The following BTBD9 variants were observed in gnomAD, a reference collection of about 807,000 sequenced individuals.
BTBD9 encodes BTB domain containing 9, also known as BTB/POZ domain-containing protein 9.
BTBD9 carries 49 observed loss-of-function variants against 64.3 expected under a neutral mutation model. The observed-to-expected ratio is 0.76, with a 90% CI of 0.61 to 0.97. The LOEUF is 0.97. BTBD9 is among the 50% of genes least tolerant of loss of function. The pLI, the probability that BTBD9 is intolerant of heterozygous loss-of-function variation, is 0.00. For synonymous variants in BTBD9, 260 were observed against 274.7 expected (o/e 0.95, Z 0.53); for missense variants, 598 against 762.1 (o/e 0.78, Z 2.53).
At chr6:38,512,909 A>G (rs1446117321) in intron 6 of BTBD9, among the ~76,000 whole-genome samples, 3 of 152,198 alleles carry the variant, frequency 2.0e-5, no homozygotes, top group Non-Finnish European at 4.4e-5. Flanking sequence ...AGGTGTTAAG[A>G]TGATGTATAG....
chr6:38,477,611 T>A (rs1411080043), intron 6 of BTBD9, among the ~76,000 whole-genome samples: 1 of 152,236 alleles, frequency 6.6e-6, no homozygotes, highest in Non-Finnish European at 1.5e-5. Flanking sequence ...TTTACTGAGC[T>A]AACGAGCAGT....
At chr6:38,256,367 G>C (rs747137284) in intron 9 of BTBD9, 42 bp downstream of exon 9, 1 of 1,444,248 alleles carries the variant, frequency 6.9e-7, no homozygotes, top group Non-Finnish European at 9.7e-7. Context: ...TGGGAAGACT[G>C]TCTTTTCAAT....
chr6:38,574,235 T>G (rs1052508827), intron 6 of BTBD9, among the ~76,000 whole-genome samples: 12 of 152,182 alleles, frequency 7.9e-5, no homozygotes, highest in East Asian at 1.9e-4. Context: ...TTATCTGCCA[T>G]TAGATAACAT....
chr6:38,543,918 C>A (rs369778997), intron 6 of BTBD9, among the ~76,000 whole-genome samples: 3 of 150,290 alleles, frequency 2.0e-5, no homozygotes, highest in African/African-American at 7.3e-5. Context: ...GATCGCGCCA[C>A]TGCACTCCAA....
At position 38,405,602 on chromosome 6, in the gene BTBD9, T is replaced by TA. The variant is rs957679532; in HGVS notation, c.1155-60510dup. On this transcript the variant is annotated intron_variant, in intron 6 of 10. Coordinates refer to ENST00000481247, the MANE Select transcript of BTBD9 (RefSeq NM_001099272.2). ...TTAATCATTTTATTGGTTCTGTTGT[T>TA]AAAAAAAAAAACAAACAATAACACC... Among the ~76,000 whole-genome samples the TA allele has an allele frequency of 4.5e-3, 659 of 145,972 alleles. 8 individuals are homozygous for TA. The highest frequency in any genetic ancestry group is 0.014 in the Middle Eastern group (4 of 290).
chr6:38,200,690 T>C (rs1762430700), intron 9 of BTBD9, among the ~76,000 whole-genome samples: 1 of 152,100 alleles, frequency 6.6e-6, no homozygotes, highest in African/African-American at 2.4e-5. Context: ...CCTGGAAACA[T>C]GCAATCTATC....
chr6:38,260,476 A>G (rs1005440275), intron 8 of BTBD9, among the ~76,000 whole-genome samples: 8 of 152,222 alleles, frequency 5.3e-5, no homozygotes, highest in Admixed American at 5.2e-4. Context: ...GAACCTAACC[A>G]CATCTCAAAA....
intron 6 of BTBD9, among the ~76,000 whole-genome samples, chr6:38,494,447 T>C (rs554637079): frequency 6.6e-6 from 1 of 152,374 alleles, no homozygotes; most frequent in African/African-American, 2.4e-5. Flanking sequence ...GAGGGAATTC[T>C]CTATACGCCT....
At chr6:38,216,734 CAGCA>C (rs1184877684) in intron 9 of BTBD9, among the ~76,000 whole-genome samples, 4 of 152,188 alleles carry the variant, frequency 2.6e-5, no homozygotes, top group Non-Finnish European at 5.9e-5. Flanking sequence ...GTGAGGAATA[CAGCA>C]ACCACCTTCT....
chr6:38,222,819 C>T (rs546917456), intron 9 of BTBD9, among the ~76,000 whole-genome samples: 4 of 152,172 alleles, frequency 2.6e-5, no homozygotes, highest in Admixed American at 1.3e-4. Context: ...GTTATACACA[C>T]GAAAGGAGGT....
chr6:38,363,383 C>A (rs1323179485), intron 6 of BTBD9, among the ~76,000 whole-genome samples: 4 of 152,192 alleles, frequency 2.6e-5, no homozygotes, highest in Non-Finnish European at 5.9e-5. Flanking sequence ...CATAGTGAGA[C>A]CCCTGTCTCT....
At chr6:38,562,020 A>G (rs1015718493) in intron 6 of BTBD9, among the ~76,000 whole-genome samples, 10 of 152,214 alleles carry the variant, frequency 6.6e-5, no homozygotes, top group Non-Finnish European at 8.8e-5. Context: ...CCCTGCAGAT[A>G]ATGCCATTTT....
At chr6:38,605,172 G>A (rs182685856) in intron 1 of BTBD9, among the ~76,000 whole-genome samples, 20 of 151,758 alleles carry the variant, frequency 1.3e-4, no homozygotes, top group Admixed American at 3.3e-4. Context: ...TCAGCCTCCC[G>A]AGTAGCTGGG....
intron 6 of BTBD9, among the ~76,000 whole-genome samples, chr6:38,573,481 T>C (rs1459367715): frequency 6.6e-6 from 1 of 152,156 alleles, no homozygotes; most frequent in Non-Finnish European, 1.5e-5. Context: ...TCTGGCCTTG[T>C]CTCCAGTAAA....
In BTBD9 at chr6:38,598,059, T is replaced by C. The variant is rs752320768; in HGVS notation, c.36A>G (p.Ala12=). ...SNSHPLRPFT[A]VGEIDHVHIL... is the part of the protein sequence containing the mutation. ...TGTGCACATGATCAATTTCCCCCAC[T>C]GCAGTAAAGGGGCGAAGAGGGTGGC... Residue 12 remains alanine (A), a synonymous_variant, in exon 2 of 11, where the codon GCA becomes GCG. Coordinates refer to ENST00000481247, the MANE Select transcript of BTBD9 (RefSeq NM_001099272.2). 6.2e-7 allele frequency: 1 copy of C among 1,613,840 alleles called. No homozygotes were observed. Among genetic ancestry groups the C allele is most frequent in the Non-Finnish European group, 8.5e-7 (1 of 1,179,848 alleles).
At chr6:38,529,698 T>C (rs553594066) in intron 6 of BTBD9, among the ~76,000 whole-genome samples, 3 of 152,358 alleles carry the variant, frequency 2.0e-5, no homozygotes, top group Admixed American at 6.5e-5. Flanking sequence ...ACTTTTGTAA[T>C]TTCTTATGCC....
chr6:38,597,299 T>C (rs1777076272), intron 2 of BTBD9, among the ~76,000 whole-genome samples: 1 of 152,202 alleles, frequency 6.6e-6, no homozygotes, highest in African/African-American at 2.4e-5. Context: ...TCTTTATCCT[T>C]AAAAATAGAA....
At chr6:38,268,740 A>T (rs1459628526) in intron 8 of BTBD9, among the ~76,000 whole-genome samples, 1 of 152,184 alleles carries the variant, frequency 6.6e-6, no homozygotes, top group East Asian at 1.9e-4. Context: ...ACAATCTACA[A>T]AGTCTTGAGC....
At chr6:38,482,839 G>C (rs1771219540) in intron 6 of BTBD9, among the ~76,000 whole-genome samples, 1 of 152,134 alleles carries the variant, frequency 6.6e-6, no homozygotes, top group Admixed American at 6.5e-5. Context: ...CAAGGCACAA[G>C]CACTGTCAAC....
Sources: gnomAD v4.1 joint callset for allele counts (sites outside exome capture counted in the v4.1 genomes callset) on GRCh38, gnomAD v4.1.1 for gene constraint, MANE v1.5 for transcripts, NCBI Gene and HGNC (gene_info 2026-07-23, HGNC 2026-07-21) for gene names.